IQUB: variants seen among roughly 807,000 people sequenced by gnomAD.
IQUB encodes IQ motif and ubiquitin domain containing, also known as IQ motif and ubiquitin-like domain-containing protein.
IQUB carries 86 observed loss-of-function variants against 86.4 expected under a neutral mutation model. That is an observed-to-expected ratio of 1.00 (90% CI 0.84 to 1.19). IQUB has a LOEUF of 1.19. IQUB is among the 50% of genes most tolerant of loss of function. The pLI, the probability that IQUB is intolerant of heterozygous loss-of-function variation, is 0.00. For synonymous variants in IQUB, 289 were observed against 304.5 expected (o/e 0.95, Z 0.53); for missense variants, 946 against 916.9 (o/e 1.03, Z -0.41).
intron 12 of IQUB, 101 bp from the exon 13 acceptor site, chr7:123,453,026 C>A: frequency 1.3e-6 from 1 of 797,394 alleles, no homozygotes; most frequent in Non-Finnish European, 1.9e-6. Context: ...ATTCTTTCAT[C>A]CCAGACTACC....
intron 1 of IQUB, among the ~76,000 whole-genome samples, chr7:123,523,349 T>A (rs918958947): frequency 3.4e-5 from 5 of 145,012 alleles, no homozygotes; most frequent in South Asian, 4.4e-4. Context: ...TTTCTCCACA[T>A]CCTCTCCAGC....
At chr7:123,498,635 C>T (rs1276535830) in intron 6 of IQUB, among the ~76,000 whole-genome samples, 2 of 152,182 alleles carry the variant, frequency 1.3e-5, no homozygotes, top group Admixed American at 1.3e-4. Flanking sequence ...CAGTTTAGGG[C>T]TCGTAGGAAA....
chr7:123,460,224 A>G (rs1793918763), intron 11 of IQUB, among the ~76,000 whole-genome samples: 1 of 151,898 alleles, frequency 6.6e-6, no homozygotes, highest in African/African-American at 2.4e-5. Context: ...CTATTTTGAT[A>G]GGATTTTTGT....
chr7:123,476,123 C>G (rs183747284), intron 8 of IQUB, among the ~76,000 whole-genome samples: 1 of 152,170 alleles, frequency 6.6e-6, no homozygotes, highest in East Asian at 1.9e-4. Context: ...TATGAGGATA[C>G]AGAGATAAAT....
intron 1 of IQUB, among the ~76,000 whole-genome samples, chr7:123,528,905 T>G (rs1001258233): frequency 6.6e-6 from 1 of 152,224 alleles, no homozygotes; most frequent in East Asian, 1.9e-4. Context: ...TATGCTCTAC[T>G]TGCATACATA....
At chr7:123,519,204 A>G (rs1796790828) in intron 1 of IQUB, among the ~76,000 whole-genome samples, 1 of 152,186 alleles carries the variant, frequency 6.6e-6, no homozygotes, top group South Asian at 2.1e-4. Context: ...GTACACTGTT[A>G]GCGGGAAATG....
intron 1 of IQUB, among the ~76,000 whole-genome samples, chr7:123,529,894 G>A (rs1349385961): frequency 9.2e-5 from 14 of 151,998 alleles, no homozygotes; most frequent in African/African-American, 2.7e-4. Context: ...TTAGCTGGGC[G>A]TGGTGGCATG....
rs141365592 is a variant in IQUB at position 123,467,881 on chromosome 7, T to A, written c.1581+1333A>T. On this transcript the variant is annotated intron_variant, in intron 9 of 12. Coordinates refer to ENST00000324698, the MANE Select transcript of IQUB (RefSeq NM_178827.5). ...GAGGTCCTAATTCCTGGAGGAAAAA[T>A]GCTTCTAATGTAAGACATAGCGCAA... Among the ~76,000 whole-genome samples the A allele has an allele frequency of 2.5e-3, 380 of 152,268 alleles. 2 individuals are homozygous for A. The highest frequency in any genetic ancestry group is 3.7e-3 in the Non-Finnish European group (252 of 68,014).
chr7:123,533,252 A>G (rs1797626672), intron 1 of IQUB, among the ~76,000 whole-genome samples: 1 of 152,244 alleles, frequency 6.6e-6, no homozygotes, highest in Non-Finnish European at 1.5e-5. Context: ...ATCTCTGTAT[A>G]TATGTGTAAG....
rs1796436590 is a variant in IQUB, at chr7:123,511,992, A to C, written c.349T>G (p.Ser117Ala). ...DSLAFLDKIK[S>A]VKESLQESVE... ...GATTCTTGCAAAGATTCCTTTACAG[A>C]CTTTATTTTATCCAGAAATGCCAAA... The change falls in exon 2 of 13, where the codon TCT (serine) becomes GCT (alanine). Residue 117 changes from serine (S) to alanine (A), a missense_variant. Coordinates refer to ENST00000324698, the MANE Select transcript of IQUB (RefSeq NM_178827.5). 1 of 1,611,862 alleles carries C rather than the reference A, an allele frequency of 6.2e-7. No individual in the cohort carries two copies.
chr7:123,524,573 T>C (rs1311581377), intron 1 of IQUB, among the ~76,000 whole-genome samples: 2 of 149,310 alleles, frequency 1.3e-5, no homozygotes, highest in East Asian at 3.9e-4. Context: ...TTTGCTGAAA[T>C]TGCTTATCAG....
chr7:123,489,803 TAG>T (rs1453938688), intron 7 of IQUB, among the ~76,000 whole-genome samples: 2 of 151,578 alleles, frequency 1.3e-5, no homozygotes, highest in East Asian at 3.9e-4. Flanking sequence ...GATGAAAAAC[TAG>T]AGAGAATGGA....
intron 1 of IQUB, among the ~76,000 whole-genome samples, chr7:123,530,672 A>ATTTTTTTTTTT (rs377272603): frequency 1.0e-5 from 1 of 99,484 alleles, no homozygotes; most frequent in African/African-American, 4.2e-5. Flanking sequence ...TTGCTCTTTG[A>ATTTTTTTTTTT]TTTTTTTTTT....
chr7:123,476,051 T>C lies in IQUB; in HGVS notation c.1410+3744A>G, dbSNP rs1435029057. Among the ~76,000 whole-genome samples, 4 of 152,352 alleles carry C rather than the reference T, an allele frequency of 2.6e-5. No homozygotes were observed. The East Asian group carries it at 7.7e-4, about 29-fold the overall frequency. On this transcript the variant is annotated intron_variant, in intron 8 of 12. Coordinates refer to ENST00000324698, the MANE Select transcript of IQUB (RefSeq NM_178827.5). Reference sequence around the variant, plus strand: ...ATACAACCACTATTTCTGTCCCTTATTCTTCCTCCCTACCTTCTTCCACAA... The same window carrying C: ...ATACAACCACTATTTCTGTCCCTTACTCTTCCTCCCTACCTTCTTCCACAA...
chr7:123,459,109 T>C (rs888858611), intron 11 of IQUB, among the ~76,000 whole-genome samples: 16 of 151,992 alleles, frequency 1.1e-4, no homozygotes, highest in African/African-American at 3.9e-4. Context: ...ACACTCATAT[T>C]TGTCTGCTAA....
chr7:123,493,657 A>C (rs1795572342), intron 7 of IQUB, among the ~76,000 whole-genome samples: 1 of 151,838 alleles, frequency 6.6e-6, no homozygotes, highest in African/African-American at 2.4e-5. Flanking sequence ...AGGATTTGCT[A>C]AAGCTGAATT....
rs566322345 is a variant in IQUB at position 123,461,573 on chromosome 7, C to T, written c.1791G>A (p.Lys597=). ...VPQDPLKFYK[K]IYFCHSCQLY... ...GCTGGCAACTGTGGCAAAAGTAAAT[C>T]TTCTTATAAAATTTCAATGGGTCTT... Residue 597 remains lysine, a synonymous_variant, in exon 11 of 13, where the codon AAG becomes AAA. Coordinates refer to ENST00000324698, the MANE Select transcript of IQUB (RefSeq NM_178827.5). 5.0e-4 allele frequency: 812 copies of T among 1,610,636 alleles called. 8 individuals carry two copies. The South Asian group carries it at 8.7e-3, about 17-fold the overall frequency.
chr7:123,477,104 G>C (rs946651330), intron 8 of IQUB, among the ~76,000 whole-genome samples: 7 of 152,142 alleles, frequency 4.6e-5, no homozygotes, highest in African/African-American at 7.2e-5. Context: ...AGTTCATGTG[G>C]AAGCAAAAGA....
intron 6 of IQUB, chr7:123,501,269 T>TGAAAGGATTGGAGTAGAAAGGAGTA (rs1157869946): frequency 6.6e-6 from 1 of 152,310 alleles, no homozygotes; most frequent in Non-Finnish European, 1.5e-5. Flanking sequence ...AGTAGAAAGA[T>TGAAAGGATTGGAGTAGAAAGGAGTA]GAAAGGAGTT....
Sources: allele counts gnomAD v4.1 joint callset (sites outside exome capture counted in the v4.1 genomes callset), GRCh38; gene constraint gnomAD v4.1.1; transcripts MANE v1.5; gene names NCBI Gene and HGNC (gene_info 2026-07-23, HGNC 2026-07-21).